Variants in RIPK1 observed in about 807,000 individuals in gnomAD.
The protein encoded by RIPK1 is receptor interacting serine/threonine kinase 1.
Under a neutral mutation model 62.4 loss-of-function variants are expected in RIPK1, and 27 were observed. The observed-to-expected ratio is 0.43, with a 90% confidence interval of 0.32 to 0.60. RIPK1 has a LOEUF of 0.60. RIPK1 is among the 20% of genes least tolerant of loss of function. RIPK1 has a pLI of 0.07. For synonymous variants in RIPK1, 287 were observed against 303.2 expected, an observed-to-expected ratio of 0.95 and a Z score of 0.55; for missense variants, 735 against 831.0, an observed-to-expected ratio of 0.88 and a Z score of 1.42.
At chr6:3,090,218 G>A (rs1248358506) in intron 7 of RIPK1, among the ~76,000 whole-genome samples, 2 of 152,110 alleles carry the variant, frequency 1.3e-5, no homozygotes, top group East Asian at 1.9e-4. Context: ...GAAGCAAGGA[G>A]GTGGTTTCTG....
chr6:3,083,578 CT>C (rs1759531981), intron 5 of RIPK1, among the ~76,000 whole-genome samples: 1 of 152,154 alleles, frequency 6.6e-6, no homozygotes, highest in Admixed American at 6.5e-5. Context: ...ACACTTCATA[CT>C]TTCACTCATT....
chr6:3,114,399 A>G lies in RIPK1; in HGVS notation c.*1060A>G, dbSNP rs1183726654. ...TTCTGAGTGTGGTAATTGTGCCTCT[A>G]GCACCCAGCCTTTCAAAGCCCACCT... On this transcript the variant is annotated 3_prime_UTR_variant, in exon 11 of 11. Coordinates refer to ENST00000259808, the MANE Select transcript of RIPK1 (RefSeq NM_001354930.2). This position sits in a 1 kb window ranked among gnomAD's most constrained non-coding sequence, Gnocchi z 5.0. The G allele has an allele frequency of 1.3e-5, 2 of 152,228 alleles. No individual in the cohort carries two copies. Among genetic ancestry groups the G allele is most frequent in the African/African-American group, 4.8e-5 (2 of 41,448 alleles). The allele number at this position is 152,228 out of a possible 1,614,324, so 9.4% of individuals were successfully genotyped here.
chr6:3,072,397 A>G lies in RIPK1; in HGVS notation c.-61+3736A>G, dbSNP rs572058904. On this transcript the variant is annotated intron_variant, in intron 1 of 10. Coordinates refer to ENST00000259808, the MANE Select transcript of RIPK1 (RefSeq NM_001354930.2). This position sits in a 1 kb window ranked among gnomAD's most constrained non-coding sequence, Gnocchi z 5.6. Reference sequence around the variant, plus strand: ...TATATCTTTATCTATTTACATATATATATATATAAAACACACACAAATGTG... The same window carrying G: ...TATATCTTTATCTATTTACATATATGTATATATAAAACACACACAAATGTG... Among the ~76,000 whole-genome samples the G allele has an allele frequency of 1.5e-3, 234 of 151,952 alleles. No homozygotes were observed. Among genetic ancestry groups the G allele is most frequent in the Non-Finnish European group, 2.1e-3 (143 of 67,984 alleles).
At chr6:3,094,112 A>G (rs12203640) in intron 7 of RIPK1, among the ~76,000 whole-genome samples, 53,061 of 111,616 alleles carry the variant, frequency 0.48, 13,338 homozygotes, top group Middle Eastern at 0.59. Flanking sequence ...ACTGCAGAGT[A>G]CCTACCTGCC....
chr6:3,100,781 T>C (rs1273251864), intron 7 of RIPK1, among the ~76,000 whole-genome samples: 2 of 151,686 alleles, frequency 1.3e-5, no homozygotes, highest in African/African-American at 2.4e-5. Context: ...TTAGTAGAGA[T>C]GGGGTTTCAC....
chr6:3,077,999 C>T (rs1211284421), intron 3 of RIPK1, 64 bp downstream of exon 3: 2 of 1,520,858 alleles, frequency 1.3e-6, no homozygotes, highest in African/African-American at 1.4e-5. Context: ...GTTATGGCTC[C>T]CCTTGGGGTG....
intron 9 of RIPK1, among the ~76,000 whole-genome samples, chr6:3,108,052 A>C (rs1038314446): frequency 3.3e-5 from 5 of 151,588 alleles, no homozygotes; most frequent in African/African-American, 1.2e-4. Context: ...CTATACCAAA[A>C]TATGAGTTTT....
intron 7 of RIPK1, among the ~76,000 whole-genome samples, chr6:3,090,498 G>A (rs999540008): frequency 1.3e-5 from 2 of 152,036 alleles, no homozygotes; most frequent in African/African-American, 4.8e-5. Context: ...ATGATAAAAG[G>A]CCCAATTCAT....
intron 5 of RIPK1, among the ~76,000 whole-genome samples, chr6:3,084,492 C>T (rs1188096719): frequency 6.6e-6 from 1 of 151,928 alleles, no homozygotes; most frequent in Non-Finnish European, 1.5e-5. Context: ...CTCCTTAAGT[C>T]TCCCTTTCCC....
chr6:3,076,293 C>T (rs761957165), intron 1 of RIPK1, among the ~76,000 whole-genome samples: 12 of 152,080 alleles, frequency 7.9e-5, no homozygotes, highest in Non-Finnish European at 1.6e-4. Flanking sequence ...TGAAAAATAG[C>T]TCATCAGATG....
chr6:3,094,089 CCTGCACCTAGTAACT>C (rs1333449014), intron 7 of RIPK1, among the ~76,000 whole-genome samples: 2 of 96,006 alleles, frequency 2.1e-5, no homozygotes, highest in Non-Finnish European at 4.0e-5. Flanking sequence ...GCGCCTACCT[CCTGCACCTAGTAACT>C]GCAGAGTACC....
intron 3 of RIPK1, among the ~76,000 whole-genome samples, chr6:3,079,053 T>C (rs1381089391): frequency 2.6e-5 from 4 of 151,656 alleles, no homozygotes; most frequent in Admixed American, 6.6e-5. Context: ...GCTGGGACTA[T>C]GGGCATGAGC....
rs796862490 is a variant in RIPK1 at position 3,093,987 on chromosome 6, C to T, written c.915+4330C>T. Among the ~76,000 whole-genome samples the T allele has an allele frequency of 6.2e-3, 618 of 99,244 alleles. 13 individuals are homozygous for T. Among genetic ancestry groups the T allele is most frequent in the African/African-American group, 0.034 (528 of 15,556 alleles). The allele number at this position is 99,244 out of a possible 152,430, so 65.1% of individuals were successfully genotyped here. A position where few individuals can be genotyped will look rare whatever the true frequency, so the allele number is the denominator to read the frequency against. On this transcript the variant is annotated intron_variant, in intron 7 of 10. Transcript: ENST00000259808. ...CCTGCCGCACCTAGTAACTGCAGAGCGCCTACCTGCCGCACCTAGTAACTG... is the reference window on the plus strand; with the variant it reads ...CCTGCCGCACCTAGTAACTGCAGAGTGCCTACCTGCCGCACCTAGTAACTG...
intron 7 of RIPK1, among the ~76,000 whole-genome samples, chr6:3,095,051 C>A (rs1760213474): frequency 6.6e-6 from 1 of 151,534 alleles, no homozygotes; most frequent in Non-Finnish European, 1.5e-5. Context: ...GAGTGAGACC[C>A]TACTTCTGAG....
chr6:3,077,575 C>T (rs180801060), intron 2 of RIPK1, among the ~76,000 whole-genome samples: 1 of 152,150 alleles, frequency 6.6e-6, no homozygotes. Flanking sequence ...ATTTTTGGAG[C>T]ATGCACTGCC....
intron 1 of RIPK1, among the ~76,000 whole-genome samples, chr6:3,073,247 TA>T (rs904497084): frequency 1.1e-4 from 7 of 64,262 alleles, no homozygotes; most frequent in Non-Finnish European, 2.3e-4. Flanking sequence ...TTTTATATCA[TA>T]TATTATATAT....
chr6:3,064,210 A>G (rs935790736), upstream of RIPK1, among the ~76,000 whole-genome samples: 1 of 151,748 alleles, frequency 6.6e-6, no homozygotes, highest in Non-Finnish European at 1.5e-5. Context: ...GGGGTCAGCA[A>G]CGGTCTGTGG....
upstream of RIPK1, among the ~76,000 whole-genome samples, chr6:3,065,685 C>T (rs1414688915): frequency 6.6e-6 from 1 of 152,174 alleles, no homozygotes; most frequent in Non-Finnish European, 1.5e-5. Context: ...GACCTACCCC[C>T]TCATATTCAC....
chr6:3,104,254 G>A lies in RIPK1; in HGVS notation c.945G>A (p.Val315=), dbSNP rs1561772390. The change falls in exon 8 of 11, where the codon GTG becomes GTA. Residue 315 remains valine, a synonymous_variant. Coordinates refer to ENST00000259808, the MANE Select transcript of RIPK1 (RefSeq NM_001354930.2). ...KKEYSNENAV[V]KRMQSLQLDC... is the part of the protein sequence containing the mutation. ...AGTATTCAAACGAAAATGCAGTTGT[G>A]AAGAGAATGCAGTCTCTTCAACTTG... 1 of 1,601,376 alleles carries A rather than the reference G, an allele frequency of 6.2e-7. No homozygotes were observed. The highest frequency in any genetic ancestry group is 2.2e-5 in the East Asian group (1 of 44,778).
Sources: allele counts gnomAD v4.1 joint callset (sites outside exome capture counted in the v4.1 genomes callset), GRCh38; gene constraint gnomAD v4.1.1; non-coding constraint Gnocchi (gnomAD v3.1); transcripts MANE v1.5; gene names NCBI Gene and HGNC (gene_info 2026-07-23, HGNC 2026-07-21).